Variants in CNOT10 observed in about 807,000 individuals in gnomAD.
CNOT10 encodes the protein CCR4-NOT transcription complex, subunit 10.
Under a neutral mutation model 94.6 loss-of-function variants are expected in CNOT10, and 30 were observed. That is an observed-to-expected ratio of 0.32 (90% CI 0.24 to 0.43). The LOEUF (loss-of-function observed/expected upper bound fraction) is 0.43. Among genes scored for constraint, CNOT10 ranks in the 20% least tolerant of loss-of-function variants. CNOT10 has a pLI of 1.00. For synonymous variants in CNOT10, 289 were observed against 301.6 expected, an observed-to-expected ratio of 0.96 and a Z score of 0.43; for missense variants, 759 against 877.2, an observed-to-expected ratio of 0.87 and a Z score of 1.70.
At chr3:32,700,331 C>T (rs1381113757) in intron 1 of CNOT10, among the ~76,000 whole-genome samples, 1 of 152,078 alleles carries the variant, frequency 6.6e-6, no homozygotes, top group African/African-American at 2.4e-5. Flanking sequence ...GGAAGGGATG[C>T]TAAAAACTAT....
At chr3:32,739,316 A>G (rs557339758) in intron 13 of CNOT10, among the ~76,000 whole-genome samples, 43 of 152,178 alleles carry the variant, frequency 2.8e-4, no homozygotes, top group South Asian at 8.3e-4. Flanking sequence ...ATAGACTTCT[A>G]CTTCATTTTC....
Position 32,762,794 on chromosome 3 carries a change from A to G in CNOT10, c.1771A>G (p.Ile591Val). 1.9e-6 allele frequency: 3 copies of G among 1,588,702 alleles called. No homozygotes were observed. The highest frequency in any genetic ancestry group is 1.7e-6 in the Non-Finnish European group (2 of 1,173,012). ...LISLDRISDA[I>V]THLNPENVTD... ...CTCTCTCGACAGAATATCTGATGCC[A>G]TTACTCACTTGAACCCGGAGAATGT... Residue 591 changes from isoleucine (I) to valine (V), a missense_variant, in exon 15 of 19, where the codon ATT (isoleucine) becomes GTT (valine). Around this residue, in one of 3 missense-constraint regions of CNOT10, gnomAD observed 682 missense variants for 799.4 expected, o/e 0.85. Transcript: ENST00000328834.
chr3:32,748,210 A>G (rs1343094371), intron 13 of CNOT10, among the ~76,000 whole-genome samples: 1 of 152,198 alleles, frequency 6.6e-6, no homozygotes, highest in African/African-American at 2.4e-5. Flanking sequence ...TTTTAAGACA[A>G]GTGTGTTCGA....
chr3:32,754,897 C>CA (rs1212573196), intron 13 of CNOT10, among the ~76,000 whole-genome samples: 3,664 of 113,462 alleles, frequency 0.032, 68 homozygotes, highest in Admixed American at 0.087. Context: ...AGGACCATTA[C>CA]AAAAAAAAAA....
rs1410715288 is a variant in CNOT10, at chr3:32,759,311, A to C, written c.1596-147A>C. 4.9e-6 allele frequency: 3 copies of C among 617,832 alleles called. No individual in the cohort carries two copies. The East Asian group carries it at 8.0e-5, about 16-fold the overall frequency. 38.3% of individuals were successfully genotyped at this position (617,832 alleles called of 1,614,324 possible). A position where few individuals can be genotyped will look rare whatever the true frequency, so the allele number is the denominator to read the frequency against. On this transcript the variant is annotated intron_variant, in intron 13 of 18. Coordinates refer to ENST00000328834, the MANE Select transcript of CNOT10 (RefSeq NM_015442.3). ...TCAGAATTGTTTTATACATCAATCT[A>C]ATTCTTACCATTAGTACCGTGGCTT... is the stretch of plus-strand genomic sequence containing the variant.
chr3:32,715,142 G>T (rs1377861906), intron 5 of CNOT10, among the ~76,000 whole-genome samples: 1 of 152,120 alleles, frequency 6.6e-6, no homozygotes, highest in Admixed American at 6.6e-5. Context: ...TAGGTACTAA[G>T]GTGACAAAAA....
At chr3:32,723,042 A>C (rs1470189557) in intron 8 of CNOT10, among the ~76,000 whole-genome samples, 1 of 152,162 alleles carries the variant, frequency 6.6e-6, no homozygotes, top group African/African-American at 2.4e-5. Context: ...CATTCTAGTC[A>C]GGCATTTTAT....
chr3:32,701,344 A>C (rs1215542650), intron 1 of CNOT10, among the ~76,000 whole-genome samples: 1 of 152,252 alleles, frequency 6.6e-6, no homozygotes, highest in Non-Finnish European at 1.5e-5. Context: ...AAATAACCAG[A>C]AAAATTCAGA....
chr3:32,704,678 A>T, intron 2 of CNOT10, 133 bp from the exon 3 acceptor site: 1 of 953,674 alleles, frequency 1.0e-6, no homozygotes. Context: ...TTTGATTAGT[A>T]TATGTAGGGA....
intron 13 of CNOT10, among the ~76,000 whole-genome samples, chr3:32,743,263 A>G (rs1275061509): frequency 6.6e-6 from 1 of 152,116 alleles, no homozygotes; most frequent in Non-Finnish European, 1.5e-5. Flanking sequence ...CTGGCATTAC[A>G]GGCATGAGCC....
In CNOT10 at chr3:32,737,395, T is replaced by A. The variant is rs765151666; in HGVS notation, c.1515-15T>A. 1 of 1,558,868 alleles carries A rather than the reference T, an allele frequency of 6.4e-7. No individual in the cohort carries two copies. Among genetic ancestry groups the A allele is most frequent in the South Asian group, 1.1e-5 (1 of 88,780 alleles). ...TTGTTGCTCTTCATAATTAAGACTC[T>A]TACCTCTATTTTAGCAGTAAAAGCC... On this transcript the variant is annotated splice_polypyrimidine_tract_variant and intron_variant, in intron 12 of 18. Coordinates refer to ENST00000328834, the MANE Select transcript of CNOT10 (RefSeq NM_015442.3).
intron 5 of CNOT10, among the ~76,000 whole-genome samples, chr3:32,713,969 G>A (rs1698003355): frequency 1.3e-5 from 2 of 152,088 alleles, no homozygotes; most frequent in African/African-American, 4.8e-5. Flanking sequence ...TAGTGCTTCT[G>A]TGACCATTCA....
At chr3:32,708,237 A>G (rs560335298) in intron 3 of CNOT10, among the ~76,000 whole-genome samples, 2 of 152,274 alleles carry the variant, frequency 1.3e-5, no homozygotes, top group East Asian at 1.9e-4. Context: ...AGTTTTTACA[A>G]AATGAAATCA....
At chr3:32,766,948 A>G (rs1286074920) in intron 17 of CNOT10, among the ~76,000 whole-genome samples, 1 of 152,222 alleles carries the variant, frequency 6.6e-6, no homozygotes, top group African/African-American at 2.4e-5. Flanking sequence ...CATCCAGCAG[A>G]TATCTGTTGA....
intron 7 of CNOT10, 77 bp from the exon 8 acceptor site, chr3:32,720,037 A>G (rs1300395684): frequency 4.8e-6 from 3 of 629,056 alleles, no homozygotes; most frequent in Non-Finnish European, 8.2e-6. Flanking sequence ...TGAACACGTC[A>G]GTACAACAGT....
intron 9 of CNOT10, 115 bp downstream of exon 9, chr3:32,725,714 T>A (rs979555335): frequency 2.2e-6 from 2 of 920,470 alleles, no homozygotes; most frequent in Non-Finnish European, 3.1e-6. Flanking sequence ...TTAACTCTGA[T>A]CTTACCCAAC....
chr3:32,721,307 C>T (rs1698393835), intron 8 of CNOT10, among the ~76,000 whole-genome samples: 1 of 151,496 alleles, frequency 6.6e-6, no homozygotes, highest in South Asian at 2.1e-4. Context: ...AGTGACCCGC[C>T]CACCTCAGCA....
intron 4 of CNOT10, among the ~76,000 whole-genome samples, chr3:32,710,824 G>T (rs1366760620): frequency 6.6e-6 from 1 of 152,076 alleles, no homozygotes; most frequent in Non-Finnish European, 1.5e-5. Flanking sequence ...AGGCCCAAGC[G>T]ATCCTCCCAC....
intron 10 of CNOT10, among the ~76,000 whole-genome samples, chr3:32,732,119 G>A (rs750326000): frequency 9.2e-5 from 14 of 151,608 alleles, no homozygotes; most frequent in Middle Eastern, 3.2e-3. Flanking sequence ...GGCTGGGCGC[G>A]GTAGCTCACA....
Sources: gnomAD v4.1 joint callset for allele counts (sites outside exome capture counted in the v4.1 genomes callset) on GRCh38, gnomAD v4.1.1 for gene constraint, gnomAD v4.1.1 regional missense constraint, MANE v1.5 for transcripts, NCBI Gene and HGNC (gene_info 2026-07-23, HGNC 2026-07-21) for gene names.